TMCO6: variants seen among roughly 807,000 people sequenced by gnomAD.
TMCO6 encodes transmembrane and coiled-coil domains 6.
Under a neutral mutation model 61.8 loss-of-function variants are expected in TMCO6, and 47 were observed. The ratio of observed to expected loss-of-function variants is 0.76; its 90% CI spans 0.60 to 0.97. TMCO6 has a LOEUF of 0.97. TMCO6 is among the 50% of genes least tolerant of loss of function. The pLI is 0.00. For missense variants in TMCO6, 557 were observed against 601.6 expected, an observed-to-expected ratio of 0.93 and a Z score of 0.78; for synonymous variants, 261 against 254.2, an observed-to-expected ratio of 1.03 and a Z score of -0.25.
chr5:140,624,856 CTT>C, the TMCO6 span, among the ~76,000 whole-genome samples: 30 of 31,688 alleles, frequency 9.5e-4, no homozygotes, highest in Admixed American at 3.3e-3. Context: ...TTCTTTCTTT[CTT>C]TTTTTTTTTT....
rs1163238249 is a variant in TMCO6 at position 140,644,647 on chromosome 5, T to C, written c.1275T>C (p.Leu425=). 1 of 1,614,250 alleles carries C rather than the reference T, an allele frequency of 6.2e-7. No homozygotes were observed. Among genetic ancestry groups the C allele is most frequent in the South Asian group, 1.1e-5 (1 of 91,084 alleles). ...AGCGGCTGTGGCCAGGGCCCCTGCTTCCCGCCTTGCTGCACACACTAGCCT... is the reference window on the plus strand; with the variant it reads ...AGCGGCTGTGGCCAGGGCCCCTGCTCCCCGCCTTGCTGCACACACTAGCCT... ...YCQRLWPGPL[L]PALLHTLAFS... The change falls in exon 11 of 12, where the codon CTT becomes CTC. Residue 425 remains leucine (L), a synonymous_variant. Transcript: ENST00000394671.
At chr5:140,632,876 G>A in the TMCO6 span, 1 of 1,614,156 alleles carries the variant, frequency 6.2e-7, no homozygotes, top group South Asian at 1.1e-5. The surrounding 1 kb of genome is among the most constrained non-coding windows in gnomAD (Gnocchi z 6.2). Flanking sequence ...CGGAGAAGTT[G>A]CAGACGCAGC....
downstream of TMCO6, chr5:140,647,554 G>A (rs757200194): frequency 9.9e-6 from 16 of 1,611,518 alleles, no homozygotes; most frequent in Admixed American, 1.7e-5. Context: ...GCTTTGCCCC[G>A]ACTCCTCGAC....
At position 140,641,882 on chromosome 5, in the gene TMCO6, C is replaced by G. The variant is rs761063481; in HGVS notation, c.327C>G (p.Ser109Arg). The G allele has an allele frequency of 4.3e-6, 7 of 1,612,474 alleles. No individual in the cohort carries two copies. The part of the protein sequence containing the change: ...TQQTFIRLEG[S>R]MRTLVGLLTS... ...CTCACTCACATAGGCTGGAGGGCAG[C>G]ATGCGGACCCTGGTCGGGCTCCTGA... The change falls in exon 4 of 12, where the codon AGC becomes AGG. Residue 109 changes from serine (S) to arginine (R), a missense_variant. Physicochemically the swap from Ser to Arg is moderately radical, Grantham distance 110 (BLOSUM62 -1). Transcript: ENST00000394671.
chr5:140,598,642 T>C, the TMCO6 span, among the ~76,000 whole-genome samples: 1 of 152,194 alleles, frequency 6.6e-6, no homozygotes, highest in South Asian at 2.1e-4. Flanking sequence ...CCAAAGTAAG[T>C]GTCTATTCCT....
the TMCO6 span, chr5:140,632,994 A>G: frequency 6.2e-7 from 1 of 1,614,124 alleles, no homozygotes; most frequent in Non-Finnish European, 8.5e-7. The surrounding 1 kb of genome is among the most constrained non-coding windows in gnomAD (Gnocchi z 6.2). Context: ...GGGAGAGAGC[A>G]GAGGTCTAGG....
Position 140,641,647 on chromosome 5 carries a change from C to A in TMCO6, c.199-18C>A. 6.2e-7 allele frequency: 1 copy of A among 1,610,190 alleles called. No individual in the cohort carries two copies. Among genetic ancestry groups the A allele is most frequent in the South Asian group, 1.1e-5 (1 of 90,848 alleles). ...TTCTGTGAACCGTGTGTTCTCCTTT[C>A]CCTGCCCTGAACTCCAGGTGCAGCA... is the stretch of plus-strand genomic sequence containing the variant. On this transcript the variant is annotated intron_variant, in intron 2 of 11. Transcript: ENST00000394671.
At chr5:140,643,371 A>T (rs1216106596) in intron 7 of TMCO6, 193 bp from the exon 8 acceptor site, 4 of 631,988 alleles carry the variant, frequency 6.3e-6, no homozygotes, top group Non-Finnish European at 1.1e-5. Context: ...TAATTTTTGT[A>T]TTTCTAATAG....
At chr5:140,626,849 G>A in the TMCO6 span, among the ~76,000 whole-genome samples, 434 of 152,268 alleles carry the variant, frequency 2.9e-3, 2 homozygotes, top group Non-Finnish European at 5.2e-3. Flanking sequence ...AAAGTGCCCA[G>A]CCTATATTTT....
the TMCO6 span, chr5:140,632,380 A>C: frequency 6.2e-7 from 1 of 1,614,186 alleles, no homozygotes; most frequent in Non-Finnish European, 8.5e-7. The surrounding 1 kb of genome is among the most constrained non-coding windows in gnomAD (Gnocchi z 6.2). Flanking sequence ...GGATTGTCAG[A>C]CAGGTCTAGG....
the TMCO6 span, chr5:140,632,635 G>T: frequency 3.7e-6 from 6 of 1,613,818 alleles, no homozygotes; most frequent in Non-Finnish European, 5.1e-6. The surrounding 1 kb of genome is among the most constrained non-coding windows in gnomAD (Gnocchi z 6.2). Flanking sequence ...TCCTTGAGGC[G>T]GGAGTACGCT....
the TMCO6 span, among the ~76,000 whole-genome samples, chr5:140,620,436 G>C: frequency 1.3e-5 from 2 of 152,178 alleles, no homozygotes; most frequent in African/African-American, 2.4e-5. Flanking sequence ...TCTGTATGAT[G>C]ATATAATGGT....
the TMCO6 span, among the ~76,000 whole-genome samples, chr5:140,634,284 G>A: frequency 6.6e-6 from 1 of 152,036 alleles, no homozygotes; most frequent in Non-Finnish European, 1.5e-5. Context: ...ATGGGACTAT[G>A]TTGAATGAGG....
chr5:140,632,887 G>A, the TMCO6 span: 13 of 1,614,172 alleles, frequency 8.1e-6, no homozygotes, highest in Admixed American at 1.7e-5. The surrounding 1 kb of genome is among the most constrained non-coding windows in gnomAD (Gnocchi z 6.2). Context: ...CAGACGCAGC[G>A]GAAATCTTCA....
At chr5:140,645,536 C>T (rs1757344574), downstream of TMCO6, 3 of 1,608,478 alleles carry the variant, frequency 1.9e-6, no homozygotes, top group Non-Finnish European at 2.6e-6. Context: ...TATACTAAGT[C>T]CAGCAGAGCC....
At chr5:140,615,428 AT>A in the TMCO6 span, among the ~76,000 whole-genome samples, 6 of 152,184 alleles carry the variant, frequency 3.9e-5, no homozygotes, top group Non-Finnish European at 7.4e-5. Context: ...TTTTTCAGAA[AT>A]GGAAAAATTC....
At chr5:140,608,296 T>A in the TMCO6 span, among the ~76,000 whole-genome samples, 6 of 152,340 alleles carry the variant, frequency 3.9e-5, no homozygotes, top group African/African-American at 7.2e-5. Flanking sequence ...GGCATTTGTG[T>A]GCCTTTGGAG....
chr5:140,643,006 G>A lies in TMCO6; in HGVS notation c.771G>A (p.Val257=). 6.2e-7 allele frequency: 1 copy of A among 1,614,196 alleles called. No individual in the cohort carries two copies. Among genetic ancestry groups the A allele is most frequent in the South Asian group, 1.1e-5 (1 of 91,084 alleles). Residue 257 remains valine, a synonymous_variant, in exon 7 of 12, where the codon GTG becomes GTA. Coordinates refer to ENST00000394671, the MANE Select transcript of TMCO6 (RefSeq NM_018502.5). ...PGPKLNPGVA[V]EFAWCLHYII... ...CAAAGCTCAACCCTGGGGTCGCTGT[G>A]GAGTTTGCCTGGTGCCTTCATTACA... is the stretch of plus-strand genomic sequence containing the variant.
At chr5:140,613,369 C>T in the TMCO6 span, among the ~76,000 whole-genome samples, 3 of 121,878 alleles carry the variant, frequency 2.5e-5, no homozygotes, top group Admixed American at 3.2e-4. Flanking sequence ...AGCCTGGCAA[C>T]AGAGTGAGAC....
Sources: gnomAD v4.1 joint callset for allele counts (sites outside exome capture counted in the v4.1 genomes callset) on GRCh38, gnomAD v4.1.1 for gene constraint, Gnocchi (gnomAD v3.1) non-coding constraint, MANE v1.5 for transcripts, NCBI Gene and HGNC (gene_info 2026-07-23, HGNC 2026-07-21) for gene names.